NAALADL2: variants seen among roughly 807,000 people sequenced by gnomAD.
NAALADL2 encodes N-acetylated alpha-linked acidic dipeptidase like 2, also known as inactive N-acetylated-alpha-linked acidic dipeptidase-like protein 2.
In NAALADL2, 76 loss-of-function variants were observed where a neutral mutation model predicts 87.2. That is an observed-to-expected ratio of 0.87 (90% confidence interval 0.72 to 1.05). NAALADL2 has a LOEUF of 1.05. Ranked by LOEUF, NAALADL2 falls within the 50% of genes least tolerant of loss-of-function variation. The pLI is 0.00. For synonymous variants in NAALADL2, 354 were observed against 331.0 expected (o/e 1.07, Z -0.75); for missense variants, 1,089 against 945.8 (o/e 1.15, Z -1.99).
intron 1 of NAALADL2, among the ~76,000 whole-genome samples, chr3:175,050,402 C>T (rs1438987821): frequency 6.6e-6 from 1 of 152,144 alleles, no homozygotes; most frequent in African/African-American, 2.4e-5. Context: ...GCTGGGATCA[C>T]AGGGACGCAC....
chr3:175,642,966 A>G (rs896100483), intron 11 of NAALADL2, among the ~76,000 whole-genome samples: 13 of 152,234 alleles, frequency 8.5e-5, no homozygotes, highest in Admixed American at 6.5e-5. Flanking sequence ...TGAAACCAAG[A>G]TAAGCACAGT....
rs937896350 is a variant in NAALADL2 at position 175,142,246 on chromosome 3, C to T, written c.545+44955C>T. On this transcript the variant is annotated intron_variant, in intron 2 of 13. Transcript: ENST00000454872. ...GAGAACTTTTCTAAAGTGAATTAAA[C>T]AAGATTAACAAATGCCATTGTTAAA... is the stretch of plus-strand genomic sequence containing the variant. Among the ~76,000 whole-genome samples, 9 of 151,990 alleles carry T rather than the reference C, an allele frequency of 5.9e-5. 1 individual carries two copies. Among genetic ancestry groups the T allele is most frequent in the Non-Finnish European group, 8.8e-5 (6 of 67,938 alleles).
intron 1 of NAALADL2, among the ~76,000 whole-genome samples, chr3:174,908,151 G>C (rs764904672): frequency 2.7e-5 from 4 of 149,318 alleles, no homozygotes; most frequent in Non-Finnish European, 5.9e-5. Flanking sequence ...ATACCTCTCT[G>C]GTTGCACTTG....
chr3:174,581,968 T>C (rs76744712), intron 2 of NAALADL2, among the ~76,000 whole-genome samples: 24,434 of 152,210 alleles, frequency 0.16, 2,112 homozygotes, highest in Non-Finnish European at 0.19. Context: ...ATTAATTCTT[T>C]TTTGGCTGAG....
intron 1 of NAALADL2, among the ~76,000 whole-genome samples, chr3:175,074,692 A>G (rs1352667090): frequency 1.3e-5 from 2 of 151,994 alleles, no homozygotes; most frequent in African/African-American, 4.8e-5. Flanking sequence ...TACATACTGA[A>G]ATAACTATGC....
At chr3:175,146,636 C>T (rs1730786212) in intron 2 of NAALADL2, among the ~76,000 whole-genome samples, 1 of 152,032 alleles carries the variant, frequency 6.6e-6, no homozygotes, top group Non-Finnish European at 1.5e-5. Context: ...TGGCTTCAAT[C>T]ACATGAACTA....
chr3:175,609,811 G>A (rs1056180908), intron 10 of NAALADL2, among the ~76,000 whole-genome samples: 1 of 152,008 alleles, frequency 6.6e-6, no homozygotes, highest in Non-Finnish European at 1.5e-5. Context: ...CCTTTGTATT[G>A]TGAACGACTT....
At chr3:175,336,431 C>T (rs1288384056) in intron 5 of NAALADL2, among the ~76,000 whole-genome samples, 2 of 152,146 alleles carry the variant, frequency 1.3e-5, no homozygotes, top group African/African-American at 4.8e-5. Flanking sequence ...ATCTGGCCTT[C>T]CTGCTACGAA....
intron 1 of NAALADL2, among the ~76,000 whole-genome samples, chr3:174,454,393 T>C (rs191781412): frequency 6.7e-4 from 102 of 152,242 alleles, no homozygotes; most frequent in Non-Finnish European, 1.0e-3. Context: ...ATGGACCTGG[T>C]AGACATCTAC....
chr3:175,786,994 G>T (rs1208022152), intron 13 of NAALADL2, among the ~76,000 whole-genome samples: 3 of 152,112 alleles, frequency 2.0e-5, no homozygotes, highest in South Asian at 2.1e-4. Context: ...GAGTGCCCCT[G>T]CTGGGGGGTG....
chr3:175,591,807 T>TG (rs1721515339), intron 10 of NAALADL2, among the ~76,000 whole-genome samples: 2 of 134,470 alleles, frequency 1.5e-5, no homozygotes, highest in Non-Finnish European at 3.1e-5. Flanking sequence ...TATATATATA[T>TG]ATATATATAT....
At chr3:174,749,999 T>A (rs944474418) in intron 3 of NAALADL2, among the ~76,000 whole-genome samples, 5 of 152,196 alleles carry the variant, frequency 3.3e-5, no homozygotes, top group African/African-American at 7.2e-5. Flanking sequence ...TGCCTTCCCA[T>A]GGTTCCAAAA....
chr3:175,337,095 A>G (rs891470189), intron 5 of NAALADL2, among the ~76,000 whole-genome samples: 3 of 149,384 alleles, frequency 2.0e-5, no homozygotes, highest in Non-Finnish European at 3.0e-5. Context: ...TGTCATTTCA[A>G]TATTCCAAGA....
At chr3:174,846,932 A>C (rs1010654648) in intron 3 of NAALADL2, among the ~76,000 whole-genome samples, 2 of 152,176 alleles carry the variant, frequency 1.3e-5, no homozygotes, top group African/African-American at 4.8e-5. Context: ...TTCTCCAGGC[A>C]AGAGATGAAA....
chr3:175,311,697 TTC>T (rs1420156297), intron 4 of NAALADL2, among the ~76,000 whole-genome samples: 18 of 143,912 alleles, frequency 1.3e-4, no homozygotes, highest in Middle Eastern at 3.6e-3. Flanking sequence ...CCTTCCTTCC[TTC>T]CTCTCTCCCT....
At chr3:174,820,397 T>C (rs1048029632) in intron 3 of NAALADL2, among the ~76,000 whole-genome samples, 8 of 152,332 alleles carry the variant, frequency 5.3e-5, no homozygotes, top group East Asian at 3.9e-4. Flanking sequence ...ACACCACATA[T>C]ACTTTTTCAT....
chr3:175,095,878 A>G (rs568939983), intron 1 of NAALADL2, among the ~76,000 whole-genome samples: 6 of 152,208 alleles, frequency 3.9e-5, no homozygotes, highest in African/African-American at 1.4e-4. Flanking sequence ...GCCATAATAC[A>G]CCAGTGGTTT....
At chr3:175,462,223 T>C (rs182201896) in intron 6 of NAALADL2, among the ~76,000 whole-genome samples, 80 of 152,214 alleles carry the variant, frequency 5.3e-4, no homozygotes, top group African/African-American at 1.9e-3. Context: ...CTCAGTATTT[T>C]TGCAAACCTA....
chr3:175,742,476 C>CAAGCTCCGCCTCCCAG lies in NAALADL2; in HGVS notation c.1990+5091_1990+5092insAGAAGCTCCGCCTCCC, dbSNP rs1553963651. ...GCAGTGGCGCGATCTTGGCTCACTG[C>CAAGCTCCGCCTCCCAG]AAGCTCCGCCTCCCGGGTTCACGCC... On this transcript the variant is annotated intron_variant, in intron 12 of 13. Coordinates refer to ENST00000454872, the MANE Select transcript of NAALADL2 (RefSeq NM_207015.3). Among the ~76,000 whole-genome samples, 1,313 of 151,538 alleles carry CAAGCTCCGCCTCCCAG rather than the reference C, an allele frequency of 8.7e-3. 17 individuals carry two copies. Among genetic ancestry groups the CAAGCTCCGCCTCCCAG allele is most frequent in the African/African-American group, 0.03 (1,248 of 41,158 alleles).
Sources: allele counts gnomAD v4.1 joint callset (sites outside exome capture counted in the v4.1 genomes callset), GRCh38; gene constraint gnomAD v4.1.1; transcripts MANE v1.5; gene names NCBI Gene and HGNC (gene_info 2026-07-23, HGNC 2026-07-21).